The following HDAC9 variants were observed in gnomAD, a reference collection of about 807,000 sequenced individuals.
The protein encoded by HDAC9 is histone deacetylase 9.
Under a neutral mutation model 139.4 loss-of-function variants are expected in HDAC9, and 41 were observed. The ratio of observed to expected loss-of-function variants is 0.29; its 90% CI spans 0.23 to 0.38. HDAC9 has a LOEUF of 0.38. HDAC9 is among the 10% of genes least tolerant of loss of function. The pLI is 1.00. For synonymous variants in HDAC9, 517 were observed against 476.2 expected (o/e 1.09, Z -1.12); for missense variants, 1,147 against 1,297.0 (o/e 0.88, Z 1.78).
At chr7:18,720,855 A>AT (rs1408464672) in intron 12 of HDAC9, among the ~76,000 whole-genome samples, 4 of 151,890 alleles carry the variant, frequency 2.6e-5, no homozygotes, top group East Asian at 1.9e-4. Flanking sequence ...TTGTTGTTTA[A>AT]TTTTTTATAG....
intron 22 of HDAC9, among the ~76,000 whole-genome samples, chr7:18,885,310 T>C (rs377276832): frequency 3.3e-5 from 5 of 152,226 alleles, no homozygotes; most frequent in Non-Finnish European, 7.3e-5. Context: ...GTTGTTGTTA[T>C]TGATGATAGA....
intron 1 of HDAC9, among the ~76,000 whole-genome samples, chr7:18,389,386 A>G (rs1273191772): frequency 6.6e-6 from 1 of 152,206 alleles, no homozygotes; most frequent in African/African-American, 2.4e-5. Context: ...TGTATTCTTC[A>G]GGGCCCTGTA....
At chr7:18,573,425 G>A (rs942130714) in intron 2 of HDAC9, among the ~76,000 whole-genome samples, 5 of 152,212 alleles carry the variant, frequency 3.3e-5, no homozygotes, top group Non-Finnish European at 5.9e-5. Flanking sequence ...TTGTGTCTAG[G>A]GATCGCTAGG....
chr7:18,614,300 C>T (rs923116964), intron 6 of HDAC9, among the ~76,000 whole-genome samples: 1 of 152,156 alleles, frequency 6.6e-6, no homozygotes, highest in Non-Finnish European at 1.5e-5. Flanking sequence ...CAATCCGCCA[C>T]ACCGCAAGAC....
At chr7:18,282,875 A>G (rs1263808396) in intron 2 of HDAC9, among the ~76,000 whole-genome samples, 1 of 151,920 alleles carries the variant, frequency 6.6e-6, no homozygotes, top group Admixed American at 6.6e-5. Context: ...ACTGAAAGAC[A>G]TGTTAGAAAT....
chr7:18,970,119 G>C (rs1048827252), intron 24 of HDAC9, among the ~76,000 whole-genome samples: 1 of 152,052 alleles, frequency 6.6e-6, no homozygotes, highest in Non-Finnish European at 1.5e-5. Flanking sequence ...ATACAATTAA[G>C]TTTTCAAGAT....
At chr7:18,639,471 T>C (rs1784897240) in intron 8 of HDAC9, among the ~76,000 whole-genome samples, 1 of 152,112 alleles carries the variant, frequency 6.6e-6, no homozygotes. Context: ...TGTTTTTTGT[T>C]TTTTGTTTTT....
At chr7:18,943,072 A>C (rs182650913) in intron 23 of HDAC9, among the ~76,000 whole-genome samples, 7 of 152,200 alleles carry the variant, frequency 4.6e-5, no homozygotes, top group Admixed American at 3.9e-4. Flanking sequence ...TTGACTGTCA[A>C]ATTTAAACTT....
intron 17 of HDAC9, among the ~76,000 whole-genome samples, chr7:18,801,258 GA>G (rs1793261692): frequency 6.6e-6 from 1 of 151,934 alleles, no homozygotes. Flanking sequence ...ATATTTTGTG[GA>G]AGAAATTACC....
chr7:18,287,926 G>A (rs957610834), upstream of HDAC9, among the ~76,000 whole-genome samples: 3 of 152,184 alleles, frequency 2.0e-5, no homozygotes, highest in African/African-American at 7.2e-5. Flanking sequence ...CCTTTGGGTA[G>A]TCATATAGGT....
Position 18,852,933 on chromosome 7 carries a change from A to C in HDAC9, c.2684+16936A>C, listed in dbSNP as rs148456594. On this transcript the variant is annotated intron_variant, in intron 21 of 25. Coordinates refer to ENST00000686413, the MANE Select transcript of HDAC9 (RefSeq NM_178425.4). ...TAAGAAGAAAGGATCCATCGAGGAAAAATAATGAAGTCAATCCAAACCAAA... is the reference window on the plus strand; with the variant it reads ...TAAGAAGAAAGGATCCATCGAGGAACAATAATGAAGTCAATCCAAACCAAA... 1.1e-3 allele frequency among the ~76,000 whole-genome samples: 164 copies of C among 152,268 alleles called. 1 individual carries two copies. The highest frequency in any genetic ancestry group is 3.8e-3 in the African/African-American group (158 of 41,540).
chr7:18,530,207 G>A (rs1329705959), intron 2 of HDAC9, among the ~76,000 whole-genome samples: 1 of 152,130 alleles, frequency 6.6e-6, no homozygotes, highest in Non-Finnish European at 1.5e-5. Flanking sequence ...AGGCTGTAGT[G>A]AACCATGATC....
rs954251260 is a variant in HDAC9 at position 18,345,326 on chromosome 7, T to G, written c.-42+54811T>G. 9.9e-5 allele frequency among the ~76,000 whole-genome samples: 15 copies of G among 152,032 alleles called. No homozygotes were observed. In the East Asian group the frequency reaches 2.9e-3, roughly 29 times the overall value. On this transcript the variant is annotated intron_variant, in intron 1 of 3. Transcript: ENST00000413509. The stretch of plus-strand genomic sequence containing the variant: ...AATGTTCTTTAGTTCTTCATTGCTT[T>G]CAGGAATTTCTCCCTCCTTTGTGCT...
intron 1 of HDAC9, among the ~76,000 whole-genome samples, chr7:18,404,085 A>T (rs1787788203): frequency 6.6e-6 from 1 of 152,176 alleles, no homozygotes; most frequent in African/African-American, 2.4e-5. Flanking sequence ...AGGGGAGTTG[A>T]CCTTAATCAG....
intron 14 of HDAC9, among the ~76,000 whole-genome samples, chr7:18,752,796 G>A (rs1479670790): frequency 1.3e-5 from 2 of 152,096 alleles, no homozygotes; most frequent in African/African-American, 4.8e-5. Flanking sequence ...GTCGTCTGCC[G>A]TCTTTGGGAA....
chr7:18,992,989 T>G (rs989244231), intron 25 of HDAC9, among the ~76,000 whole-genome samples: 1 of 152,246 alleles, frequency 6.6e-6, no homozygotes, highest in Admixed American at 6.5e-5. Flanking sequence ...GAAGTAGACA[T>G]GTATCTAGGG....
At chr7:18,890,999 T>C (rs1177080144) in intron 22 of HDAC9, among the ~76,000 whole-genome samples, 5 of 152,236 alleles carry the variant, frequency 3.3e-5, no homozygotes, top group African/African-American at 7.2e-5. Flanking sequence ...CTGTCTGATC[T>C]GGGTTTCATA....
chr7:18,389,485 C>T (rs114507845), intron 1 of HDAC9, among the ~76,000 whole-genome samples: 1,550 of 152,196 alleles, frequency 0.01, 33 homozygotes, highest in African/African-American at 0.034. Context: ...AGCATCTGGA[C>T]GAGTGCTCAT....
At chr7:18,883,183 T>C (rs1167383967) in intron 22 of HDAC9, among the ~76,000 whole-genome samples, 1 of 152,152 alleles carries the variant, frequency 6.6e-6, no homozygotes, top group African/African-American at 2.4e-5. Flanking sequence ...AATATGCCAA[T>C]GCAGAATAAA....
Sources: gnomAD v4.1 joint callset for allele counts (sites outside exome capture counted in the v4.1 genomes callset) on GRCh38, gnomAD v4.1.1 for gene constraint, MANE v1.5 for transcripts, NCBI Gene and HGNC (gene_info 2026-07-23, HGNC 2026-07-21) for gene names.